Variants in RBFOX1 observed in about 807,000 individuals in gnomAD.
RBFOX1 encodes RNA binding protein fox-1 homolog 1.
Under a neutral mutation model 57.7 loss-of-function variants are expected in RBFOX1, and 8 were observed. That is an observed-to-expected ratio of 0.14 (90% CI 0.08 to 0.25). RBFOX1 has a LOEUF of 0.25. RBFOX1 is among the 10% of genes least tolerant of loss of function. RBFOX1 has a pLI of 1.00. For synonymous variants in RBFOX1, 326 were observed against 222.4 expected (o/e 1.47, Z -4.15); for missense variants, 611 against 548.5 (o/e 1.11, Z -1.14).
At chr16:7,211,094 A>G (rs1291011203) in intron 4 of RBFOX1, among the ~76,000 whole-genome samples, 1 of 151,644 alleles carries the variant, frequency 6.6e-6, no homozygotes, top group East Asian at 1.9e-4. Context: ...TTAAAAAAAA[A>G]AAAAAAAGGA....
chr16:7,068,735 C>A (rs2056698942), intron 4 of RBFOX1, among the ~76,000 whole-genome samples: 1 of 152,130 alleles, frequency 6.6e-6, no homozygotes, highest in South Asian at 2.1e-4. Context: ...TTACAGGTCC[C>A]TGCCACCACA....
At chr16:5,908,415 C>T (rs530480524) in intron 4 of RBFOX1, among the ~76,000 whole-genome samples, 10 of 151,124 alleles carry the variant, frequency 6.6e-5, no homozygotes, top group East Asian at 5.9e-4. Flanking sequence ...TGCAGTAGTG[C>T]GATCTTGGCT....
intron 11 of RBFOX1, among the ~76,000 whole-genome samples, chr16:7,650,112 A>G (rs1205642226): frequency 1.1e-5 from 1 of 95,150 alleles, no homozygotes; most frequent in Admixed American, 1.0e-4. Context: ...AGCAAGTATA[A>G]GAAGGAAGGA....
chr16:6,990,602 G>C (rs1037834462), intron 3 of RBFOX1, among the ~76,000 whole-genome samples: 11 of 152,100 alleles, frequency 7.2e-5, no homozygotes, highest in Admixed American at 1.3e-4. Context: ...AGTTTACCAA[G>C]TAGAAGTAGC....
At chr16:5,565,969 C>T (rs1023796159) in intron 2 of RBFOX1, among the ~76,000 whole-genome samples, 3 of 152,090 alleles carry the variant, frequency 2.0e-5, no homozygotes, top group East Asian at 3.9e-4. Context: ...ATAGTGTTCT[C>T]ATGGTAGTGA....
chr16:5,723,208 A>G (rs2052001274), intron 3 of RBFOX1, among the ~76,000 whole-genome samples: 1 of 152,168 alleles, frequency 6.6e-6, no homozygotes, highest in East Asian at 1.9e-4. Flanking sequence ...GATCCTCCTC[A>G]CAGAGGAGGC....
intron 4 of RBFOX1, among the ~76,000 whole-genome samples, chr16:5,962,046 G>T (rs552766431): frequency 2.5e-4 from 38 of 152,212 alleles, no homozygotes; most frequent in Middle Eastern, 3.4e-3. Flanking sequence ...TCCTGTTCTC[G>T]TGGTACAAAA....
At chr16:7,299,500 A>T (rs983637803) in intron 4 of RBFOX1, among the ~76,000 whole-genome samples, 1 of 152,222 alleles carries the variant, frequency 6.6e-6, no homozygotes, top group Admixed American at 6.5e-5. Context: ...CTGTCATTAC[A>T]TGCAAAGCAA....
Position 6,710,777 on chromosome 16 carries a change from C to T in RBFOX1, c.-16+56127C>T, listed in dbSNP as rs568306628. 4.3e-4 allele frequency among the ~76,000 whole-genome samples: 65 copies of T among 152,330 alleles called. 1 individual carries two copies. The highest frequency in any genetic ancestry group is 7.3e-5 in the Non-Finnish European group (5 of 68,040). On this transcript the variant is annotated intron_variant, in intron 3 of 15. Transcript: ENST00000550418. Reference sequence around the variant, plus strand: ...CTTGGCAACCCCAAGCCTTAGGTGGCCCTTAAGTTTGTGACCTCAGGAAAT... The same window carrying T: ...CTTGGCAACCCCAAGCCTTAGGTGGTCCTTAAGTTTGTGACCTCAGGAAAT...
At chr16:6,317,457 G>T (rs748983840) in intron 2 of RBFOX1, among the ~76,000 whole-genome samples, 9 of 151,832 alleles carry the variant, frequency 5.9e-5, no homozygotes, top group Non-Finnish European at 1.3e-4. Flanking sequence ...ATCAGTTACC[G>T]AGAGCATGTA....
At chr16:6,790,201 T>TTATTATTATTA in intron 3 of RBFOX1, among the ~76,000 whole-genome samples, 1 of 40,524 alleles carries the variant, frequency 2.5e-5, no homozygotes, top group East Asian at 1.1e-3. Context: ...TATTATTATT[T>TTATTATTATTA]TATGACAGAC....
At chr16:6,837,011 A>G (rs1004708848) in intron 3 of RBFOX1, among the ~76,000 whole-genome samples, 4 of 152,124 alleles carry the variant, frequency 2.6e-5, no homozygotes, top group African/African-American at 9.7e-5. Flanking sequence ...TCACGGATGA[A>G]CACACCTATT....
chr16:6,118,916 G>T (rs1005387088), intron 1 of RBFOX1, among the ~76,000 whole-genome samples: 1 of 151,766 alleles, frequency 6.6e-6, no homozygotes, highest in Admixed American at 6.6e-5. Flanking sequence ...CATCACATTA[G>T]TGATTAGGTT....
chr16:5,705,703 A>G (rs568913366), intron 3 of RBFOX1, among the ~76,000 whole-genome samples: 70 of 152,324 alleles, frequency 4.6e-4, no homozygotes, highest in African/African-American at 1.5e-3. Context: ...ACCTCTCATC[A>G]TCCTAACAAG....
intron 4 of RBFOX1, among the ~76,000 whole-genome samples, chr16:7,271,804 G>C (rs1329988569): frequency 6.6e-6 from 1 of 151,764 alleles, no homozygotes; most frequent in Non-Finnish European, 1.5e-5. Context: ...TATTGTAAAT[G>C]TCTGGGTTTC....
chr16:6,972,581 T>A (rs1598781772), intron 3 of RBFOX1, among the ~76,000 whole-genome samples: 1 of 152,140 alleles, frequency 6.6e-6, no homozygotes, highest in Non-Finnish European at 1.5e-5. Context: ...ATTTTTATAC[T>A]GATTGGAATG....
At chr16:6,603,812 G>T (rs12933659) in intron 2 of RBFOX1, among the ~76,000 whole-genome samples, 1 of 152,188 alleles carries the variant, frequency 6.6e-6, no homozygotes, top group East Asian at 1.9e-4. Flanking sequence ...TCGTCCTGCT[G>T]TTTGGGTACT....
rs929341938 is a variant in RBFOX1 at position 7,187,885 on chromosome 16, A to T, written c.27+135787A>T. 2.0e-5 allele frequency among the ~76,000 whole-genome samples: 3 copies of T among 152,228 alleles called. No homozygotes were observed. In the East Asian group the frequency reaches 5.8e-4, roughly 29 times the overall value. On this transcript the variant is annotated intron_variant, in intron 4 of 15. Coordinates refer to ENST00000550418, the MANE Select transcript of RBFOX1 (RefSeq NM_018723.4). ...ATGGCGGTCATATTGGAAAATGTTC[A>T]CCATGTATTGTCAAGTGAACAAAGT...
chr16:5,456,821 C>A (rs550133115), intron 1 of RBFOX1, among the ~76,000 whole-genome samples: 44 of 152,282 alleles, frequency 2.9e-4, no homozygotes, highest in African/African-American at 1.1e-3. Context: ...TAACACCTAA[C>A]CCCTTTCACA....
Sources: allele counts gnomAD v4.1 joint callset (sites outside exome capture counted in the v4.1 genomes callset), GRCh38; gene constraint gnomAD v4.1.1; transcripts MANE v1.5; gene names NCBI Gene and HGNC (gene_info 2026-07-23, HGNC 2026-07-21).